The following SPON2 variants were observed in gnomAD, a reference collection of about 807,000 sequenced individuals.
The protein encoded by SPON2 is spondin-2.
Under a neutral mutation model 29.9 loss-of-function variants are expected in SPON2, and 32 were observed. The observed-to-expected ratio is 1.07, with a 90% CI of 0.81 to 1.44. The LOEUF is 1.44. Among genes scored for constraint, SPON2 ranks in the 40% most tolerant of loss-of-function variants. The probability of loss-of-function intolerance (pLI) is 0.00; values close to 1 mark genes in which losing one functional copy is unlikely to be tolerated. For missense variants in SPON2, 541 were observed against 455.5 expected (o/e 1.19, Z -1.71); for synonymous variants, 248 against 209.1 (o/e 1.19, Z -1.61).
intron 1 of SPON2, among the ~76,000 whole-genome samples, chr4:1,191,911 T>C (rs1182238997): frequency 1.3e-5 from 2 of 152,138 alleles, no homozygotes; most frequent in South Asian, 2.1e-4. Context: ...CCCCTCCCCA[T>C]AGGCCTACAC....
intron 5 of SPON2, among the ~76,000 whole-genome samples, chr4:1,169,477 C>G (rs1404543951): frequency 6.6e-6 from 1 of 152,168 alleles, no homozygotes; most frequent in South Asian, 2.1e-4. Context: ...TTCCCGCCAG[C>G]CAGGCGGCCT....
intron 1 of SPON2, among the ~76,000 whole-genome samples, chr4:1,189,815 C>T (rs1413806246): frequency 1.3e-5 from 2 of 150,808 alleles, no homozygotes; most frequent in South Asian, 4.2e-4. Flanking sequence ...GGTGAAACCC[C>T]GTTTCTACTA....
intron 1 of SPON2, among the ~76,000 whole-genome samples, chr4:1,186,035 G>A (rs1473579950): frequency 1.3e-4 from 20 of 150,758 alleles, no homozygotes; most frequent in Non-Finnish European, 2.8e-4. Context: ...ACGAGGTCAG[G>A]AGATCGAGAC....
intron 1 of SPON2, among the ~76,000 whole-genome samples, chr4:1,204,660 A>T (rs1728294997): frequency 6.6e-6 from 1 of 152,048 alleles, no homozygotes; most frequent in Non-Finnish European, 1.5e-5. Flanking sequence ...CGTTAACTTC[A>T]CAATCAATCT....
chr4:1,182,208 A>C (rs1727712356), intron 1 of SPON2, among the ~76,000 whole-genome samples: 1 of 152,346 alleles, frequency 6.6e-6, no homozygotes, highest in Admixed American at 6.5e-5. Context: ...GAAACAGGAA[A>C]GTATGGCCCA....
intron 5 of SPON2, among the ~76,000 whole-genome samples, chr4:1,169,567 A>G (rs902479353): frequency 1.3e-5 from 2 of 152,094 alleles, no homozygotes; most frequent in African/African-American, 4.8e-5. Flanking sequence ...TCAAGACGAC[A>G]TCTGTCCCTA....
At chr4:1,198,454 C>T (rs1164837051), upstream of SPON2, among the ~76,000 whole-genome samples, 1 of 152,096 alleles carries the variant, frequency 6.6e-6, no homozygotes, top group Non-Finnish European at 1.5e-5. Flanking sequence ...CTCATGAAAC[C>T]AGGATAATCT....
At chr4:1,180,388 ACT>A (rs1464211763) in intron 1 of SPON2, among the ~76,000 whole-genome samples, 2 of 151,990 alleles carry the variant, frequency 1.3e-5, no homozygotes, top group African/African-American at 4.8e-5. Context: ...ACTACAACAA[ACT>A]CTGGGGGAAT....
intron 5 of SPON2, among the ~76,000 whole-genome samples, chr4:1,168,493 G>T (rs1229311125): frequency 6.6e-6 from 1 of 152,232 alleles, no homozygotes; most frequent in African/African-American, 2.4e-5. Flanking sequence ...TGGAAGCCCT[G>T]GCCAGGCCCA....
chr4:1,174,486 C>CTAAAAA, upstream of SPON2, among the ~76,000 whole-genome samples: 1 of 94,294 alleles, frequency 1.1e-5, no homozygotes, highest in Non-Finnish European at 2.2e-5. Context: ...GACTCCATCT[C>CTAAAAA]AAAAAAAAAA....
At chr4:1,170,651 G>T (rs1158855525) in intron 4 of SPON2, 75 bp from the exon 5 acceptor site, 1 of 1,500,772 alleles carries the variant, frequency 6.7e-7, no homozygotes, top group South Asian at 1.2e-5. Flanking sequence ...CCTCACTGGG[G>T]CCACTGCCCA....
upstream of SPON2, among the ~76,000 whole-genome samples, chr4:1,198,216 C>A (rs146523225): frequency 2.5e-3 from 384 of 152,316 alleles, 2 homozygotes; most frequent in African/African-American, 9.0e-3. Flanking sequence ...TCGAAACCTG[C>A]AGCAGCCATG....
In SPON2 at chr4:1,171,501, G is replaced by C. The variant is rs752258790; in HGVS notation, c.221-15C>G. 14 of 1,603,722 alleles carry C rather than the reference G, an allele frequency of 8.7e-6. No homozygotes were observed. The highest frequency in any genetic ancestry group is 1.3e-5 in the African/African-American group (1 of 74,572). On this transcript the variant is annotated splice_polypyrimidine_tract_variant and intron_variant, in intron 2 of 5. Coordinates refer to ENST00000290902, the MANE Select transcript of SPON2 (RefSeq NM_012445.4). ...ATGCGCGGCCCCTGCAGGACCACCC[G>C]GCCGCGCCGCGGACCATGGTCAGAC...
At chr4:1,167,767 C>G in intron 5 of SPON2, 111 bp from the exon 6 acceptor site, 1 of 1,210,390 alleles carries the variant, frequency 8.3e-7, no homozygotes. Context: ...CACGCCCACC[C>G]TTCGGGGGCA....
At chr4:1,192,085 G>C in intron 1 of SPON2, among the ~76,000 whole-genome samples, 1 of 152,248 alleles carries the variant, frequency 6.6e-6, no homozygotes, top group South Asian at 2.1e-4. Context: ...TAGCGTCAGG[G>C]GACAAGGATT....
chr4:1,203,113 A>C (rs1222236835), intron 1 of SPON2, among the ~76,000 whole-genome samples: 1 of 152,220 alleles, frequency 6.6e-6, no homozygotes, highest in Non-Finnish European at 1.5e-5. Context: ...TGCCCTCAGC[A>C]GACCCCAGCC....
At chr4:1,207,303 G>A (rs569581290) in intron 1 of SPON2, among the ~76,000 whole-genome samples, 7 of 152,220 alleles carry the variant, frequency 4.6e-5, no homozygotes, top group Admixed American at 2.6e-4. Context: ...GACACCCTCC[G>A]TCCCACCAGT....
At chr4:1,196,701 G>A (rs1728077768), upstream of SPON2, 1 of 152,290 alleles carries the variant, frequency 6.6e-6, no homozygotes, top group South Asian at 2.1e-4. Context: ...GTTCTCATCT[G>A]TGCCACCAGA....
chr4:1,182,714 T>C (rs1168260267), intron 1 of SPON2, among the ~76,000 whole-genome samples: 1 of 152,144 alleles, frequency 6.6e-6, no homozygotes. Context: ...AAGACATGTA[T>C]ATAAACATCT....
Sources: gnomAD v4.1 joint callset for allele counts (sites outside exome capture counted in the v4.1 genomes callset) on GRCh38, gnomAD v4.1.1 for gene constraint, MANE v1.5 for transcripts, NCBI Gene and HGNC (gene_info 2026-07-23, HGNC 2026-07-21) for gene names.